The following PTPRK variants were observed in gnomAD, a reference collection of about 807,000 sequenced individuals.
PTPRK encodes the protein protein tyrosine phosphatase receptor type K, also known as receptor-type tyrosine-protein phosphatase kappa.
In PTPRK, 75 loss-of-function variants were observed where a neutral mutation model predicts 178.0. The ratio of observed to expected loss-of-function variants is 0.42; its 90% CI spans 0.35 to 0.51. The LOEUF is 0.51. Among genes scored for constraint, PTPRK ranks in the 20% least tolerant of loss-of-function variants. The pLI is 0.02. For missense variants in PTPRK, 1,441 were observed against 1,797.8 expected, an observed-to-expected ratio of 0.80 and a Z score of 3.59; for synonymous variants, 637 against 620.6, an observed-to-expected ratio of 1.03 and a Z score of -0.39.
At chr6:128,375,402 T>C (rs1237255155) in intron 2 of PTPRK, among the ~76,000 whole-genome samples, 7 of 151,316 alleles carry the variant, frequency 4.6e-5, no homozygotes, top group African/African-American at 1.7e-4. Flanking sequence ...GGAAACAACC[T>C]TTTTAAAAAA....
intron 28 of PTPRK, 105 bp downstream of exon 28, chr6:127,973,559 A>G (rs1251742423): frequency 1.5e-6 from 2 of 1,330,560 alleles, no homozygotes; most frequent in African/African-American, 1.5e-5. Context: ...TAAAAATAAC[A>G]TCTATGGGAG....
chr6:128,077,377 GC>G (rs1235456641), intron 11 of PTPRK, among the ~76,000 whole-genome samples: 1 of 151,902 alleles, frequency 6.6e-6, no homozygotes, highest in East Asian at 1.9e-4. Flanking sequence ...TACACCCTCA[GC>G]CAACTCTTTT....
At chr6:128,257,907 A>T (rs1583744962) in intron 3 of PTPRK, among the ~76,000 whole-genome samples, 1 of 152,156 alleles carries the variant, frequency 6.6e-6, no homozygotes, top group East Asian at 1.9e-4. Flanking sequence ...TGATATACTC[A>T]ACTAATCTAG....
intron 1 of PTPRK, among the ~76,000 whole-genome samples, chr6:128,512,681 C>T (rs1562674492): frequency 6.6e-6 from 1 of 152,180 alleles, no homozygotes; most frequent in Non-Finnish European, 1.5e-5. Context: ...TGTGTTTTGA[C>T]ATGAATAGTG....
chr6:128,473,072 C>T (rs1406363398), intron 1 of PTPRK, among the ~76,000 whole-genome samples: 1 of 152,000 alleles, frequency 6.6e-6, no homozygotes, highest in Non-Finnish European at 1.5e-5. Flanking sequence ...AGTATAATTT[C>T]CAGTCTAGGA....
intron 6 of PTPRK, among the ~76,000 whole-genome samples, chr6:128,205,953 T>G (rs969256634): frequency 1.3e-5 from 2 of 152,060 alleles, no homozygotes; most frequent in African/African-American, 4.8e-5. Flanking sequence ...GAATAGACTT[T>G]CTTAGTTAGA....
rs1785243869 is a variant in PTPRK at position 128,083,754 on chromosome 6, T to C, written c.1536A>G (p.Lys512=). 4 of 1,606,970 alleles carry C rather than the reference T, an allele frequency of 2.5e-6. No homozygotes were observed. Among genetic ancestry groups the C allele is most frequent in the Non-Finnish European group, 3.4e-6 (4 of 1,175,706 alleles). Residue 512 remains lysine, a synonymous_variant, in exon 9 of 30, where the codon AAA becomes AAG. Transcript: ENST00000368226. The stretch of plus-strand genomic sequence containing the variant: ...TGATTCCATTTGGATCCAAAGGTTC[T>C]TTCCAGTTCAAGAAGATCTTATTTT... ...SFENKIFLNW[K]EPLDPNGIIT...
At chr6:128,108,050 C>G (rs1790003954) in intron 7 of PTPRK, among the ~76,000 whole-genome samples, 1 of 148,618 alleles carries the variant, frequency 6.7e-6, no homozygotes, top group Non-Finnish European at 1.5e-5. Context: ...CAAAAACAAA[C>G]CAAATCCCTA....
intron 1 of PTPRK, among the ~76,000 whole-genome samples, chr6:128,510,237 T>A (rs1856971460): frequency 6.6e-6 from 1 of 152,176 alleles, no homozygotes; most frequent in South Asian, 2.1e-4. Flanking sequence ...GCCTGGAGAC[T>A]ATCCCCTGGC....
At chr6:128,494,775 C>G (rs1044643206) in intron 1 of PTPRK, among the ~76,000 whole-genome samples, 1 of 152,158 alleles carries the variant, frequency 6.6e-6, no homozygotes, top group Non-Finnish European at 1.5e-5. Context: ...GAGCCTGAAA[C>G]TTGATTTATG....
rs1019609777 is a variant in PTPRK, at chr6:128,377,187, T to C, written c.223+20379A>G. ...CATTTTCACACTGCTGATAAAGATG[T>C]AACGTACCTGACGTTGGGTAATTTA... On this transcript the variant is annotated intron_variant, in intron 2 of 29. Transcript: ENST00000368226. 2.0e-5 allele frequency among the ~76,000 whole-genome samples: 3 copies of C among 152,196 alleles called. 1 individual carries two copies. The highest frequency in any genetic ancestry group is 1.3e-4 in the Admixed American group (2 of 15,266).
At chr6:128,482,541 C>T (rs1158974200) in intron 1 of PTPRK, among the ~76,000 whole-genome samples, 3 of 152,034 alleles carry the variant, frequency 2.0e-5, no homozygotes, top group Non-Finnish European at 4.4e-5. Flanking sequence ...GAAACAGACT[C>T]AATGGAAAGG....
chr6:128,006,286 AT>A (rs1299664983), intron 14 of PTPRK, among the ~76,000 whole-genome samples: 12 of 151,152 alleles, frequency 7.9e-5, no homozygotes, highest in African/African-American at 2.4e-4. Flanking sequence ...AAAATACATA[AT>A]TTGGAAAAAA....
chr6:128,097,099 G>GATA (rs1788043268), intron 7 of PTPRK, among the ~76,000 whole-genome samples: 1 of 152,164 alleles, frequency 6.6e-6, no homozygotes, highest in East Asian at 1.9e-4. Flanking sequence ...GGGTCAAATT[G>GATA]AGTTAATGAT....
chr6:128,168,529 C>G (rs374647620), intron 7 of PTPRK, among the ~76,000 whole-genome samples: 6 of 152,062 alleles, frequency 3.9e-5, no homozygotes, highest in African/African-American at 1.4e-4. Flanking sequence ...AGGAGGTGAG[C>G]GGAAGGCAAG....
At chr6:128,327,894 C>T (rs755565903) in intron 2 of PTPRK, among the ~76,000 whole-genome samples, 3 of 152,128 alleles carry the variant, frequency 2.0e-5, no homozygotes, top group Admixed American at 1.3e-4. Context: ...TTGCAGCTCA[C>T]GGGAAGATAA....
At chr6:128,464,620 C>CAT (rs1174612862) in intron 1 of PTPRK, among the ~76,000 whole-genome samples, 10,290 of 87,978 alleles carry the variant, frequency 0.12, 821 homozygotes, top group Non-Finnish European at 0.17. Context: ...TATACATATA[C>CAT]ATATATATAT....
chr6:128,362,566 T>C (rs1370643968), intron 2 of PTPRK, among the ~76,000 whole-genome samples: 1 of 152,238 alleles, frequency 6.6e-6, no homozygotes, highest in Non-Finnish European at 1.5e-5. Context: ...GATTTATAAA[T>C]GTAACCTTTG....
intron 1 of PTPRK, among the ~76,000 whole-genome samples, chr6:128,458,038 A>G (rs1848601303): frequency 6.6e-6 from 1 of 152,148 alleles, no homozygotes; most frequent in Non-Finnish European, 1.5e-5. Context: ...ATAGTAGAGA[A>G]GGCAAGAAAA....
Sources: allele counts gnomAD v4.1 joint callset (sites outside exome capture counted in the v4.1 genomes callset), GRCh38; gene constraint gnomAD v4.1.1; transcripts MANE v1.5; gene names NCBI Gene and HGNC (gene_info 2026-07-23, HGNC 2026-07-21).